Variants in APOB observed in about 807,000 individuals in gnomAD.
APOB encodes the protein apolipoprotein B, also known as apolipoprotein B-100.
APOB carries 153 observed loss-of-function variants against 314.1 expected under a neutral mutation model. The observed-to-expected ratio is 0.49, with a 90% CI of 0.43 to 0.56. APOB has a LOEUF of 0.56. Among genes scored for constraint, APOB ranks in the 20% least tolerant of loss-of-function variants. APOB has a pLI of 0.00. For missense variants in APOB, 5,430 were observed against 5,350.7 expected, an observed-to-expected ratio of 1.01 and a Z score of -0.46; for synonymous variants, 2,087 against 2,036.4, an observed-to-expected ratio of 1.02 and a Z score of -0.67.
intron 15 of APOB, 149 bp downstream of exon 15, chr2:21,026,639 C>A (rs1663737698): frequency 4.3e-6 from 3 of 703,752 alleles, no homozygotes; most frequent in African/African-American, 1.8e-5. Context: ...GCAGAGGATA[C>A]TGGCCCTTAC....
In APOB at chr2:21,018,920, A is replaced by G. The variant is rs954021845; in HGVS notation, c.3121+72T>C. ...CTATTTGTTAAATAGGTTAAATTAC[A>G]TGTCTTCTCCTCATGAATTCTGAAC... On this transcript the variant is annotated intron_variant, in intron 20 of 28. Transcript: ENST00000233242. 1.8e-5 allele frequency: 29 copies of G among 1,609,194 alleles called. No homozygotes were observed. In the African/African-American group the frequency reaches 3.1e-4, roughly 17 times the overall value.
intron 12 of APOB, 77 bp downstream of exon 12, chr2:21,029,562 A>C: frequency 6.7e-7 from 1 of 1,499,052 alleles, no homozygotes; most frequent in Non-Finnish European, 9.3e-7. Flanking sequence ...GATGAAATCT[A>C]GAGTCTCATT....
At position 21,015,464 on chromosome 2, in the gene APOB, G is replaced by A. The variant is rs140456702; in HGVS notation, c.3414C>T (p.Leu1138=). The A allele has an allele frequency of 4.8e-5, 78 of 1,613,982 alleles. No homozygotes were observed. The East Asian group carries it at 6.2e-4, about 13-fold the overall frequency. The change falls in exon 22 of 29, where the codon CTC becomes CTT. Residue 1138 remains leucine, a synonymous_variant. Transcript: ENST00000233242. ...GCAGTTTGGCAGGCGACCAGTGGGC[G>A]AGGATCTCACTTCTGGCTTCTGCTT... ...RLQAEARSEI[L]AHWSPAKLLL...
Position 21,026,867 on chromosome 2 carries a change from A to G in APOB, c.2165T>C (p.Val722Ala), listed in dbSNP as rs752851963. 2 of 1,614,072 alleles carry G rather than the reference A, an allele frequency of 1.2e-6. No individual in the cohort carries two copies. The highest frequency in any genetic ancestry group is 1.7e-6 in the Non-Finnish European group (2 of 1,179,960). The change falls in exon 15 of 29, where the codon GTT (valine) becomes GCT (alanine). Residue 722 changes from valine (V) to alanine (A), a missense_variant. This residue lies in a region of APOB where 2,085 missense variants were observed against 2,079.7 expected (regional missense o/e 1.00). Coordinates refer to ENST00000233242, the MANE Select transcript of APOB (RefSeq NM_000384.3). ...PDSVNKALYW[V>A]NGQVPDGVSK... ...GACACCATCAGGAACTTGACCATTA[A>G]CCCAGTACAAAGCTTTGTTGACACT...
rs1663123883 is a variant in APOB, at chr2:21,005,925, A to G, written c.10943T>C (p.Val3648Ala). 6 of 1,613,894 alleles carry G rather than the reference A, an allele frequency of 3.7e-6. No individual in the cohort carries two copies. Among genetic ancestry groups the G allele is most frequent in the Non-Finnish European group, 5.1e-6 (6 of 1,179,934 alleles). Residue 3648 changes from valine (V) to alanine (A), a missense_variant, in exon 26 of 29, where the codon GTC becomes GCC. Val to Ala is a moderately conservative substitution (Grantham distance 64). Coordinates refer to ENST00000233242, the MANE Select transcript of APOB (RefSeq NM_000384.3). ...CTTTTCTTGGTCATTGGAAAGCTCGACCTGGCTCTGGAAAGACCCAGAATG... is the reference window on the plus strand; with the variant it reads ...CTTTTCTTGGTCATTGGAAAGCTCGGCCTGGCTCTGGAAAGACCCAGAATG... ...RIHSGSFQSQ[V>A]ELSNDQEKAH...
At chr2:21,040,090 G>A (rs1444995954) in intron 4 of APOB, among the ~76,000 whole-genome samples, 1 of 152,134 alleles carries the variant, frequency 6.6e-6, no homozygotes, top group Non-Finnish European at 1.5e-5. Context: ...GCAGATGGGT[G>A]TCGGGAGATC....
rs149349129 is a variant in APOB, at chr2:21,009,828, C to T, written c.7040G>A (p.Arg2347Lys). 2 of 1,613,992 alleles carry T rather than the reference C, an allele frequency of 1.2e-6. No homozygotes were observed. The highest frequency in any genetic ancestry group is 4.5e-5 in the East Asian group (2 of 44,852). The change falls in exon 26 of 29, where the codon AGG (arginine) becomes AAG (lysine). Residue 2347 changes from arginine (R) to lysine (K), a missense_variant. Arg to Lys is a conservative substitution (Grantham distance 26). Around this residue, in one of 3 missense-constraint regions of APOB, gnomAD observed 3,281 missense variants for 3,171.0 expected, o/e 1.03. Transcript: ENST00000233242. ...FRAKVHELIE[R>K]YEVDQQIQVL... ...CTGGATTTGTTGGTCTACTTCATAC[C>T]TCTCGATTAACTCATGGACTTTGGC...
Position 21,002,545 on chromosome 2 carries a change from T to A in APOB, c.12877A>T (p.Thr4293Ser). Reference protein sequence around the residue: ...VFKAIQSLKTTEVLRNLQDLL... With the variant: ...VFKAIQSLKTSEVLRNLQDLL... ...TCCTGAAGATTACGTAGCACCTCTG[T>A]GGTCTTGAGAGACTGAATGGCTTTA... The change falls in exon 29 of 29, where the codon ACA becomes TCA. Residue 4293 changes from threonine to serine, a missense_variant. Physicochemically the swap from Thr to Ser is moderately conservative, Grantham distance 58. Coordinates refer to ENST00000233242, the MANE Select transcript of APOB (RefSeq NM_000384.3). 1.2e-6 allele frequency: 2 copies of A among 1,614,032 alleles called. No individual in the cohort carries two copies. Among genetic ancestry groups the A allele is most frequent in the Non-Finnish European group, 1.7e-6 (2 of 1,179,918 alleles).
intron 8 of APOB, among the ~76,000 whole-genome samples, chr2:21,034,459 G>T (rs767090135): frequency 2.0e-5 from 3 of 152,204 alleles, no homozygotes; most frequent in Non-Finnish European, 4.4e-5. Context: ...GACTCCTGAG[G>T]TTACTATCTG....
In APOB at chr2:21,019,863, G is replaced by C; in HGVS notation, c.2859C>G (p.Ile953Met). ...HLVSTTKTEV[I>M]PPLIENRQSW... ...ACTGCCTGTTCTCAATGAGAGGTGG[G>C]ATCACCTCCGTTTTGGTGGTAGAGA... Residue 953 changes from isoleucine to methionine, a missense_variant, in exon 19 of 29, where the codon ATC becomes ATG. Physicochemically the swap from Ile to Met is conservative, Grantham distance 10. Around this residue, in one of 3 missense-constraint regions of APOB, gnomAD observed 2,085 missense variants for 2,079.7 expected, o/e 1.00. Coordinates refer to ENST00000233242, the MANE Select transcript of APOB (RefSeq NM_000384.3). 6.2e-7 allele frequency: 1 copy of C among 1,614,146 alleles called. No homozygotes were observed. Among genetic ancestry groups the C allele is most frequent in the Non-Finnish European group, 8.5e-7 (1 of 1,180,022 alleles).
chr2:21,022,829 A>G lies in APOB; in HGVS notation c.2816+2T>C, dbSNP rs758148424. ...CTAGGCAGACTTGGCTGAAAGAATT[A>G]CCCTCCACTGAGCAGCTTGACTGGT... is the stretch of plus-strand genomic sequence containing the variant. On this transcript the variant is annotated splice_donor_variant, in intron 18 of 28. Transcript: ENST00000233242. LOFTEE classifies it high-confidence loss of function. 1 of 1,613,808 alleles carries G rather than the reference A, an allele frequency of 6.2e-7. No individual in the cohort carries two copies.
chr2:21,004,508 T>A (rs1663075490), intron 27 of APOB, 53 bp downstream of exon 27: 4 of 1,612,892 alleles, frequency 2.5e-6, no homozygotes, highest in Non-Finnish European at 2.5e-6. Context: ...ATGAAGAAAA[T>A]CACAATGAGT....
intron 8 of APOB, 44 bp from the exon 9 acceptor site, chr2:21,033,562 T>A: frequency 6.6e-7 from 1 of 1,510,830 alleles, no homozygotes; most frequent in Non-Finnish European, 9.2e-7. Context: ...TTTCTTCATC[T>A]CAACCATATC....
In APOB at chr2:21,041,261, A is replaced by C. The variant is rs140764717; in HGVS notation, c.238-178T>G. On this transcript the variant is annotated intron_variant, in intron 3 of 28. Transcript: ENST00000233242. ...TGCCTCCTGGGTTCTCTGTGCACCA[A>C]CCTAGACTTAGTCCTATTGCTGACG... Among the ~76,000 whole-genome samples the C allele has an allele frequency of 8.4e-4, 128 of 152,326 alleles. 1 individual carries two copies. Among genetic ancestry groups the C allele is most frequent in the Non-Finnish European group, 1.6e-3 (108 of 68,034 alleles).
chr2:21,002,180 C>T lies in APOB; in HGVS notation c.13242G>A (p.Leu4414=), dbSNP rs1663000313. The change falls in exon 29 of 29, where the codon CTG becomes CTA. Residue 4414 remains leucine (L), a synonymous_variant. Transcript: ENST00000233242. ...EEKIVSLIKN[L]LVALKDFHSE... is the part of the protein sequence containing the mutation. ...AATGGAAGTCCTTAAGAGCAACTAACAGGTTCTTGATCAGACTGACTATCT... is the reference window on the plus strand; with the variant it reads ...AATGGAAGTCCTTAAGAGCAACTAATAGGTTCTTGATCAGACTGACTATCT... The T allele has an allele frequency of 6.2e-7, 1 of 1,613,934 alleles. No homozygotes were observed. The highest frequency in any genetic ancestry group is 8.5e-7 in the Non-Finnish European group (1 of 1,179,922).
chr2:21,001,470 C>G lies in APOB; in HGVS notation c.*260G>C, dbSNP rs1662974869. On this transcript the variant is annotated 3_prime_UTR_variant, in exon 29 of 29. Coordinates refer to ENST00000233242, the MANE Select transcript of APOB (RefSeq NM_000384.3). ...GACTCCATTTATTTGTTCCTCCTCC[C>G]CCAAGTTTAGCAAAATAACTCAGAT... 2 of 451,416 alleles carry G rather than the reference C, an allele frequency of 4.4e-6. No individual in the cohort carries two copies. Among genetic ancestry groups the G allele is most frequent in the Non-Finnish European group, 7.9e-6 (2 of 253,104 alleles). 28.0% of individuals were successfully genotyped at this position (451,416 alleles called of 1,614,324 possible).
In APOB at chr2:21,001,783, CTG is replaced by C. The variant is rs1558558254; in HGVS notation, c.13637_13638del (p.Thr4546SerfsTer21). 2 of 1,613,976 alleles carry C rather than the reference CTG, an allele frequency of 1.2e-6. No homozygotes were observed. Among genetic ancestry groups the C allele is most frequent in the Non-Finnish European group, 1.7e-6 (2 of 1,179,944 alleles). On this transcript the variant is annotated frameshift_variant, in exon 29 of 29. Transcript: ENST00000233242. LOFTEE classifies it high-confidence loss of function. The part of the protein sequence containing the change: ...TELLKKLQST[T>X]VMNPYMKLAP... ...GCAAGCTTCATGTAGGGGTTCATGA[CTG>C]TGGTTGATTGCAGCTTTTTCAGTAA...
chr2:21,017,962 T>C (rs1663518031), intron 20 of APOB, among the ~76,000 whole-genome samples: 1 of 152,028 alleles, frequency 6.6e-6, no homozygotes, highest in Non-Finnish European at 1.5e-5. Flanking sequence ...CCCTATATAA[T>C]TTTTTTTCCA....
At chr2:21,022,257 C>T (rs780579433) in intron 18 of APOB, among the ~76,000 whole-genome samples, 7 of 152,108 alleles carry the variant, frequency 4.6e-5, no homozygotes, top group Non-Finnish European at 7.3e-5. Flanking sequence ...CATGAACCAC[C>T]GTGGCTGGCC....
Sources: allele counts gnomAD v4.1 joint callset (sites outside exome capture counted in the v4.1 genomes callset), GRCh38; gene constraint gnomAD v4.1.1; regional missense constraint gnomAD v4.1.1; transcripts MANE v1.5; gene names NCBI Gene and HGNC (gene_info 2026-07-23, HGNC 2026-07-21).